The following SPINDOC variants were observed in gnomAD, a reference collection of about 807,000 sequenced individuals.
SPINDOC encodes the protein spindlin interactor and repressor of chromatin binding, also known as spindlin interactor and repressor of chromatin-binding protein.
In SPINDOC, 13 loss-of-function variants were observed where a neutral mutation model predicts 30.7. That is an observed-to-expected ratio of 0.42 (90% CI 0.28 to 0.67). The LOEUF (loss-of-function observed/expected upper bound fraction) is 0.67. Among genes scored for constraint, SPINDOC ranks in the 30% least tolerant of loss-of-function variants. SPINDOC has a pLI of 0.22. For missense variants in SPINDOC, 438 were observed against 518.0 expected (o/e 0.85, Z 1.50); for synonymous variants, 228 against 211.4 (o/e 1.08, Z -0.68).
chr11:63,820,408 A>AG (rs1350737976), intron 5 of SPINDOC, among the ~76,000 whole-genome samples: 1 of 151,518 alleles, frequency 6.6e-6, no homozygotes, highest in African/African-American at 2.4e-5. Context: ...CAAAAAAAAA[A>AG]AAAAAAAAGA....
At chr11:63,817,761 G>T in intron 1 of SPINDOC, 44 bp from the exon 2 acceptor site, 1 of 1,480,976 alleles carries the variant, frequency 6.8e-7, no homozygotes, top group Non-Finnish European at 9.1e-7. Flanking sequence ...GTTGTTGGTT[G>T]TGGGCACCTT....
Position 63,827,159 on chromosome 11 carries a change from G to A in SPINDOC, c.*20G>A. 6.2e-7 allele frequency: 1 copy of A among 1,604,910 alleles called. No homozygotes were observed. The highest frequency in any genetic ancestry group is 8.5e-7 in the Non-Finnish European group (1 of 1,174,460). On this transcript the variant is annotated 3_prime_UTR_variant, in exon 6 of 6. Coordinates refer to ENST00000294244, the MANE Select transcript of SPINDOC (RefSeq NM_138471.3). ...GTGTAAATTCTTGCTTTCCTGGGGA[G>A]GGAGGGAGGGATGAGGCAGCGTCCC...
At chr11:63,821,507 G>C (rs1276345132) in intron 5 of SPINDOC, among the ~76,000 whole-genome samples, 1 of 152,232 alleles carries the variant, frequency 6.6e-6, no homozygotes, top group East Asian at 1.9e-4. Flanking sequence ...CCAGCAGACA[G>C]AATTAGGATG....
intron 5 of SPINDOC, among the ~76,000 whole-genome samples, chr11:63,823,551 A>G (rs2015583450): frequency 6.6e-6 from 1 of 152,060 alleles, no homozygotes; most frequent in Admixed American, 6.6e-5. Context: ...ACAATGACCC[A>G]CTGACAAGTA....
chr11:63,816,339 A>G (rs1244008465), intron 1 of SPINDOC, among the ~76,000 whole-genome samples: 1 of 152,230 alleles, frequency 6.6e-6, no homozygotes, highest in Non-Finnish European at 1.5e-5. Flanking sequence ...ATGAAAATCA[A>G]GATGGAAGAG....
rs1436751023 is a variant in SPINDOC, at chr11:63,813,775, T to C, written c.89T>C (p.Val30Ala). Reference sequence around the variant, plus strand: ...GGGGAGGACGAGGAGGAGGCCATGGTGGTGGCCGTAATTCCGCGGCCCGAG... The same window carrying C: ...GGGGAGGACGAGGAGGAGGCCATGGCGGTGGCCGTAATTCCGCGGCCCGAG... ...EEGEDEEEAMVVAVIPRPEPM... is the reference protein window; with the variant it reads ...EEGEDEEEAMAVAVIPRPEPM... Residue 30 changes from valine to alanine, a missense_variant, in exon 1 of 6, where the codon GTG becomes GCG. This residue lies in a region of SPINDOC where 129 missense variants were observed against 152.7 expected (regional missense o/e 0.84). Transcript: ENST00000294244. The C allele has an allele frequency of 1.3e-6, 2 of 1,590,452 alleles. No homozygotes were observed. The highest frequency in any genetic ancestry group is 8.5e-7 in the Non-Finnish European group (1 of 1,169,638).
Position 63,818,439 on chromosome 11 carries a change from G to C in SPINDOC, c.607+74G>C. The C allele has an allele frequency of 1.9e-6, 3 of 1,605,434 alleles. No individual in the cohort carries two copies. Among genetic ancestry groups the C allele is most frequent in the South Asian group, 2.2e-5 (2 of 90,900 alleles). On this transcript the variant is annotated intron_variant, in intron 3 of 5. Transcript: ENST00000294244. This position sits in a 1 kb window ranked among gnomAD's most constrained non-coding sequence, Gnocchi z 5.3. ...GGACAGGGTGAAATACAGGCCCTGT[G>C]TTCTGGGCAGGTATCTTCAGGAGCC...
chr11:63,817,788 C>T lies in SPINDOC; in HGVS notation c.128-17C>T, dbSNP rs1372273458. ...GGGCACCTTTAGTGATAACACCCTCCCCCTCTCCCCTCGCAGTGACCCAAC... is the reference window on the plus strand; with the variant it reads ...GGGCACCTTTAGTGATAACACCCTCTCCCTCTCCCCTCGCAGTGACCCAAC... On this transcript the variant is annotated splice_polypyrimidine_tract_variant and intron_variant, in intron 1 of 5. Transcript: ENST00000294244. The T allele has an allele frequency of 6.5e-7, 1 of 1,538,244 alleles. No homozygotes were observed. Among genetic ancestry groups the T allele is most frequent in the South Asian group, 1.2e-5 (1 of 81,090 alleles).
rs1380813711 is a variant in SPINDOC at position 63,813,934 on chromosome 11, G to T, written c.127+121G>T. ...CACCCCCTTCAGCCTTGGGGCCCAG[G>T]TTTCCCTCTCGGATCTGGGTCCAGG... On this transcript the variant is annotated intron_variant, in intron 1 of 5. Coordinates refer to ENST00000294244, the MANE Select transcript of SPINDOC (RefSeq NM_138471.3). 5 of 1,281,050 alleles carry T rather than the reference G, an allele frequency of 3.9e-6. No individual in the cohort carries two copies. In the East Asian group the frequency reaches 8.8e-5, roughly 23 times the overall value. 79.4% of individuals were successfully genotyped at this position (1,281,050 alleles called of 1,614,324 possible).
Position 63,818,609 on chromosome 11 carries a change from G to A in SPINDOC, c.690G>A (p.Lys230=). ...KEPPGEEPVR[K]KRGRPMTKNL... ...CCCCAGGGGAAGAGCCAGTCAGAAA[G>A]AAAAGAGGCAGACCTATGACCAAAA... Residue 230 remains lysine, a synonymous_variant, in exon 4 of 6, where the codon AAG becomes AAA. Transcript: ENST00000294244. This position sits in a 1 kb window ranked among gnomAD's most constrained non-coding sequence, Gnocchi z 5.3. 6.2e-7 allele frequency: 1 copy of A among 1,613,762 alleles called. No homozygotes were observed. The highest frequency in any genetic ancestry group is 1.1e-5 in the South Asian group (1 of 91,076).
At chr11:63,822,356 TAAAAAAAAAAAAAA>T (rs753315518) in intron 5 of SPINDOC, among the ~76,000 whole-genome samples, 1 of 58,824 alleles carries the variant, frequency 1.7e-5, no homozygotes, top group Non-Finnish European at 3.7e-5. Flanking sequence ...CTAGACTGTC[TAAAAAAAAAAAAAA>T]AAAAAAAAAA....
chr11:63,822,620 A>G (rs1390039846), intron 5 of SPINDOC: 2 of 1,288,708 alleles, frequency 1.6e-6, no homozygotes, highest in Non-Finnish European at 2.0e-6. Context: ...CACAGTTTTA[A>G]CTGTCTCAAG....
Position 63,818,988 on chromosome 11 carries a change from A to AGAGCCCCTCTCCAGGT in SPINDOC, c.927_934+8dup, listed in dbSNP as rs774669515. 20 of 1,613,604 alleles carry AGAGCCCCTCTCCAGGT rather than the reference A, an allele frequency of 1.2e-5. No individual in the cohort carries two copies. The highest frequency in any genetic ancestry group is 1.6e-5 in the Non-Finnish European group (19 of 1,180,016). ...GCAGAAGGAGGCCTTCCCCGGGCGG[A>AGAGCCCCTCTCCAGGT]GAGCCCCTCTCCAGGTGAGCCCTCC... On this transcript the variant is annotated frameshift_variant, in exon 5 of 6. Transcript: ENST00000294244. LOFTEE classifies it high-confidence loss of function. This position sits in a 1 kb window ranked among gnomAD's most constrained non-coding sequence, Gnocchi z 5.3.
At chr11:63,823,081 C>T (rs1449683763) in intron 5 of SPINDOC, 5 of 1,228,626 alleles carry the variant, frequency 4.1e-6, no homozygotes, top group Admixed American at 2.3e-5. Flanking sequence ...AGGGAGGCAC[C>T]CTGGGAGATG....
intron 1 of SPINDOC, among the ~76,000 whole-genome samples, chr11:63,814,059 T>A (rs1416682405): frequency 2.6e-5 from 4 of 152,150 alleles, no homozygotes; most frequent in Non-Finnish European, 5.9e-5. Flanking sequence ...GAGACTTCGA[T>A]CCACGCCCCG....
At position 63,814,456 on chromosome 11, in the gene SPINDOC, TTGGGAGGGGA is replaced by T. The variant is rs1210110377; in HGVS notation, c.127+651_127+660del. Among the ~76,000 whole-genome samples, 16 of 152,256 alleles carry T rather than the reference TTGGGAGGGGA, an allele frequency of 1.1e-4. No individual in the cohort carries two copies. The East Asian group carries it at 2.9e-3, about 28-fold the overall frequency. On this transcript the variant is annotated intron_variant, in intron 1 of 5. Transcript: ENST00000294244. ...GTGCAGTGCTAGAACGAGATTAGCTTTGGGAGGGGATGGGAGGAACAATCTCAGAACACTC... is the reference window on the plus strand; with the variant it reads ...GTGCAGTGCTAGAACGAGATTAGCTTTGGGAGGAACAATCTCAGAACACTC...
At chr11:63,823,315 G>C in intron 5 of SPINDOC, 1 of 1,202,086 alleles carries the variant, frequency 8.3e-7, no homozygotes, top group African/African-American at 1.6e-5. Flanking sequence ...TGTTATGTAC[G>C]TATTGAAGTT....
In SPINDOC at chr11:63,827,194, T is replaced by G; in HGVS notation, c.*55T>G. 1 of 1,590,938 alleles carries G rather than the reference T, an allele frequency of 6.3e-7. No homozygotes were observed. ...GATGAGGCAGCGTCCCCCAGTGGCT[T>G]ATAACTCAGAGCTGCCTGGCTCACC... On this transcript the variant is annotated 3_prime_UTR_variant, in exon 6 of 6. Transcript: ENST00000294244.
At chr11:63,824,083 T>C (rs2015596011) in intron 5 of SPINDOC, among the ~76,000 whole-genome samples, 3 of 152,030 alleles carry the variant, frequency 2.0e-5, no homozygotes, top group Non-Finnish European at 4.4e-5. Flanking sequence ...AATTTTTTTG[T>C]ATTATTAGTA....
Sources: gnomAD v4.1 joint callset for allele counts (sites outside exome capture counted in the v4.1 genomes callset) on GRCh38, gnomAD v4.1.1 for gene constraint, gnomAD v4.1.1 regional missense constraint, Gnocchi (gnomAD v3.1) non-coding constraint, MANE v1.5 for transcripts, NCBI Gene and HGNC (gene_info 2026-07-23, HGNC 2026-07-21) for gene names.